The following PKHD1L1 variants were observed in gnomAD, a reference collection of about 807,000 sequenced individuals.
The protein encoded by PKHD1L1 is PKHD1 like 1, also known as fibrocystin-L.
A neutral mutation model predicts 462.9 loss-of-function variants in PKHD1L1; 434 were observed. That is an observed-to-expected ratio of 0.94 (90% CI 0.87 to 1.02). The LOEUF (loss-of-function observed/expected upper bound fraction) is 1.02, where lower values mean the gene tolerates loss of function less well. PKHD1L1 is among the 50% of genes least tolerant of loss of function. The pLI is 0.00. For missense variants in PKHD1L1, 5,202 were observed against 5,096.1 expected, an observed-to-expected ratio of 1.02 and a Z score of -0.63; for synonymous variants, 1,781 against 1,750.0, an observed-to-expected ratio of 1.02 and a Z score of -0.44.
At position 109,535,926 on chromosome 8, in the gene PKHD1L1, T is replaced by G. The variant is rs1821137408; in HGVS notation, c.*5836T>G. 6.6e-6 allele frequency among the ~76,000 whole-genome samples: 1 copy of G among 152,192 alleles called. No homozygotes were observed. Among genetic ancestry groups the G allele is most frequent in the Non-Finnish European group, 1.5e-5 (1 of 68,034 alleles). On this transcript the variant is annotated 3_prime_UTR_variant, in exon 78 of 78. Coordinates refer to ENST00000378402, the MANE Select transcript of PKHD1L1 (RefSeq NM_177531.6). ...GGAGAGAGAGGGGAAGGATTGTAAG[T>G]GTCATAGTTCTGACAGCTGCTCTTT... is the stretch of plus-strand genomic sequence containing the variant.
chr8:109,515,260 A>G lies in PKHD1L1; in HGVS notation c.11644A>G (p.Asn3882Asp). 6.2e-7 allele frequency: 1 copy of G among 1,603,202 alleles called. No homozygotes were observed. Among genetic ancestry groups the G allele is most frequent in the Non-Finnish European group, 8.5e-7 (1 of 1,173,444 alleles). ...GGTCTGTCCAAAAACTACAATATGG[A>G]ATGCCCAGCAGAAACACTGTGAACT... The part of the protein sequence containing the change: ...LLVCPKTTIW[N>D]AQQKHCELNN... Residue 3882 changes from asparagine to aspartate, a missense_variant, in exon 72 of 78, where the codon AAT becomes GAT. Coordinates refer to ENST00000378402, the MANE Select transcript of PKHD1L1 (RefSeq NM_177531.6).
At chr8:109,426,008 T>G (rs1322899485) in intron 24 of PKHD1L1, among the ~76,000 whole-genome samples, 1 of 152,306 alleles carries the variant, frequency 6.6e-6, no homozygotes, top group African/African-American at 2.4e-5. Flanking sequence ...TCTAGACAAC[T>G]ATAATAAACA....
intron 21 of PKHD1L1, among the ~76,000 whole-genome samples, chr8:109,416,444 A>G (rs1386653029): frequency 6.6e-6 from 1 of 152,196 alleles, no homozygotes; most frequent in Non-Finnish European, 1.5e-5. Flanking sequence ...AATAATTAAC[A>G]ATATCAATTC....
At position 109,460,469 on chromosome 8, in the gene PKHD1L1, G is replaced by T. The variant is rs140983806; in HGVS notation, c.7246+633G>T. Among the ~76,000 whole-genome samples, 645 of 152,200 alleles carry T rather than the reference G, an allele frequency of 4.2e-3. 7 individuals carry two copies. Among genetic ancestry groups the T allele is most frequent in the African/African-American group, 0.015 (620 of 41,538 alleles). On this transcript the variant is annotated intron_variant, in intron 47 of 77. Coordinates refer to ENST00000378402, the MANE Select transcript of PKHD1L1 (RefSeq NM_177531.6). ...GATATATAGATCTGAGCCAGTGGGG[G>T]TAGGCTAAGTCCGAGTTTTTCAAAG...
chr8:109,410,461 G>C (rs189606436), intron 19 of PKHD1L1, among the ~76,000 whole-genome samples: 47 of 152,144 alleles, frequency 3.1e-4, no homozygotes, highest in Admixed American at 3.1e-3. Flanking sequence ...ACTTGGCTTG[G>C]TGAAGAGCAA....
At chr8:109,515,074 G>A (rs1820194902) in intron 71 of PKHD1L1, 96 bp from the exon 72 acceptor site, 3 of 1,002,740 alleles carry the variant, frequency 3.0e-6, no homozygotes, top group East Asian at 2.9e-5. Flanking sequence ...AGTTTTAATA[G>A]TTTGCAGAAA....
chr8:109,443,033 G>A lies in PKHD1L1; in HGVS notation c.4481G>A (p.Gly1494Glu). The A allele has an allele frequency of 1.2e-6, 2 of 1,613,644 alleles. No homozygotes were observed. Among genetic ancestry groups the A allele is most frequent in the East Asian group, 2.2e-5 (1 of 44,870 alleles). ...VDEAHSIFLQGVINVLPAETR... is the reference protein window; with the variant it reads ...VDEAHSIFLQEVINVLPAETR... ...GAGGCTCACTCCATTTTTCTCCAAGGAGTCATTAATGTTTTACCAGCTGAA... is the reference window on the plus strand; with the variant it reads ...GAGGCTCACTCCATTTTTCTCCAAGAAGTCATTAATGTTTTACCAGCTGAA... Residue 1494 changes from glycine to glutamate, a missense_variant, in exon 36 of 78, where the codon GGA becomes GAA. Gly to Glu is a moderately conservative substitution (Grantham distance 98). This residue lies in a region of PKHD1L1 where 4,497 missense variants were observed against 4,336.8 expected (regional missense o/e 1.04). Transcript: ENST00000378402.
At position 109,445,443 on chromosome 8, in the gene PKHD1L1, A is replaced by G; in HGVS notation, c.5574A>G (p.Pro1858=). The part of the protein sequence containing the change: ...TLVITGNGFY[P]GNTTVTIGDE... The stretch of plus-strand genomic sequence containing the variant: ...TGATCACAGGAAATGGCTTCTATCC[A>G]GGCAACACTACAGTCACTATTGGGG... Residue 1858 remains proline, a synonymous_variant, in exon 38 of 78, where the codon CCA becomes CCG. Transcript: ENST00000378402. 2 of 1,614,010 alleles carry G rather than the reference A, an allele frequency of 1.2e-6. No individual in the cohort carries two copies. The highest frequency in any genetic ancestry group is 8.5e-7 in the Non-Finnish European group (1 of 1,179,894).
chr8:109,383,993 T>A (rs1812301038), intron 4 of PKHD1L1, 77 bp from the exon 5 acceptor site: 1 of 922,784 alleles, frequency 1.1e-6, no homozygotes, highest in Non-Finnish European at 1.8e-6. Flanking sequence ...AATTTAGTAA[T>A]GTAAGAAATT....
intron 49 of PKHD1L1, among the ~76,000 whole-genome samples, chr8:109,465,962 G>A (rs1289315157): frequency 2.0e-5 from 3 of 152,082 alleles, no homozygotes; most frequent in African/African-American, 7.2e-5. Context: ...ATAAGATAGC[G>A]AGGATATGTG....
At chr8:109,387,133 T>C (rs767397921) in intron 6 of PKHD1L1, among the ~76,000 whole-genome samples, 5 of 152,124 alleles carry the variant, frequency 3.3e-5, no homozygotes, top group Non-Finnish European at 7.4e-5. Context: ...GGGAGGGAGT[T>C]GAGAGCAATG....
chr8:109,442,009 C>T lies in PKHD1L1; in HGVS notation c.4207C>T (p.His1403Tyr). 6.3e-7 allele frequency: 1 copy of T among 1,578,392 alleles called. No individual in the cohort carries two copies. Among genetic ancestry groups the T allele is most frequent in the Non-Finnish European group, 8.6e-7 (1 of 1,166,282 alleles). The change falls in exon 35 of 78, where the codon CAT becomes TAT. Residue 1403 changes from histidine to tyrosine, a missense_variant and splice_region_variant. By Grantham distance (83) the His-to-Tyr change is moderately conservative (BLOSUM62 2). Coordinates refer to ENST00000378402, the MANE Select transcript of PKHD1L1 (RefSeq NM_177531.6). ...TATTACTCAATTCTTGCCCCCAGTA[C>T]ATGGATTAGGTTATGCCTGGTCACC... ...RITNNGKDSV[H>Y]GLGYAWSPPV... is the part of the protein sequence containing the mutation.
intron 9 of PKHD1L1, among the ~76,000 whole-genome samples, chr8:109,393,825 C>A (rs1812820562): frequency 6.6e-6 from 1 of 152,138 alleles, no homozygotes; most frequent in Admixed American, 6.5e-5. Flanking sequence ...CGGAAGATCC[C>A]AGCCTTTATA....
intron 37 of PKHD1L1, 90 bp downstream of exon 37, chr8:109,443,992 C>G (rs1815967816): frequency 9.0e-7 from 1 of 1,109,514 alleles, no homozygotes; most frequent in Non-Finnish European, 1.3e-6. Context: ...TTTTTACCAG[C>G]TTTATTGAGC....
chr8:109,364,251 G>T (rs1811116727), intron 1 of PKHD1L1, among the ~76,000 whole-genome samples: 1 of 152,076 alleles, frequency 6.6e-6, no homozygotes, highest in South Asian at 2.1e-4. Flanking sequence ...ATGAAATTAA[G>T]GATTTAATAC....
chr8:109,436,014 G>C (rs1367583112), intron 29 of PKHD1L1, among the ~76,000 whole-genome samples: 1 of 152,210 alleles, frequency 6.6e-6, no homozygotes, highest in African/African-American at 2.4e-5. Flanking sequence ...AATAGAAGCA[G>C]CATAATTATT....
At chr8:109,478,591 A>T (rs559465135) in intron 53 of PKHD1L1, among the ~76,000 whole-genome samples, 20 of 152,194 alleles carry the variant, frequency 1.3e-4, no homozygotes, top group South Asian at 8.3e-4. Flanking sequence ...GGAGAAACCT[A>T]GGGAGCAACT....
At chr8:109,414,354 A>G (rs1341809416) in intron 21 of PKHD1L1, among the ~76,000 whole-genome samples, 1 of 152,208 alleles carries the variant, frequency 6.6e-6, no homozygotes, top group Non-Finnish European at 1.5e-5. Context: ...TAACACATGT[A>G]TACAGTCACG....
At chr8:109,418,960 C>T (rs1586470746) in intron 21 of PKHD1L1, 137 bp from the exon 22 acceptor site, 2 of 630,474 alleles carry the variant, frequency 3.2e-6, no homozygotes, top group African/African-American at 1.8e-5. Flanking sequence ...GGCTGCTTTT[C>T]TGTGCTAATA....
Sources: allele counts gnomAD v4.1 joint callset (sites outside exome capture counted in the v4.1 genomes callset), GRCh38; gene constraint gnomAD v4.1.1; regional missense constraint gnomAD v4.1.1; transcripts MANE v1.5; gene names NCBI Gene and HGNC (gene_info 2026-07-23, HGNC 2026-07-21).